BICD1: variants seen among roughly 807,000 people sequenced by gnomAD.
BICD1 encodes BICD cargo adaptor 1.
Under a neutral mutation model 92.5 loss-of-function variants are expected in BICD1, and 35 were observed. The observed-to-expected ratio is 0.38, with a 90% CI of 0.29 to 0.50. The LOEUF is 0.50. BICD1 is among the 20% of genes least tolerant of loss of function. The probability of loss-of-function intolerance (pLI) is 0.93; values close to 1 mark genes in which losing one functional copy is unlikely to be tolerated. For synonymous variants in BICD1, 429 were observed against 465.1 expected (o/e 0.92, Z 1.00); for missense variants, 950 against 1,189.8 (o/e 0.80, Z 2.97).
intron 1 of BICD1, among the ~76,000 whole-genome samples, chr12:32,113,940 C>T (rs1382038429): frequency 3.3e-5 from 5 of 151,726 alleles, no homozygotes; most frequent in Admixed American, 2.0e-4. Context: ...GGCGCAATCT[C>T]GGCTTACTGC....
rs944769102 is a variant in BICD1, at chr12:32,383,393, T to G, written c.*5766T>G. ...TTATGAATTTATTATTGCTTGTACT[T>G]TAACTTTTTTTATTGTAGACAATCC... On this transcript the variant is annotated 3_prime_UTR_variant, in exon 10 of 10. Coordinates refer to ENST00000652176, the MANE Select transcript of BICD1 (RefSeq NM_001714.4). 1 of 152,208 alleles carries G rather than the reference T, an allele frequency of 6.6e-6. No homozygotes were observed. Among genetic ancestry groups the G allele is most frequent in the African/African-American group, 2.4e-5 (1 of 41,472 alleles). 9.4% of individuals were successfully genotyped at this position (152,208 alleles called of 1,614,324 possible). A position where few individuals can be genotyped will look rare whatever the true frequency, so the allele number is the denominator to read the frequency against.
intron 1 of BICD1, among the ~76,000 whole-genome samples, chr12:32,169,749 T>C (rs1272519591): frequency 6.6e-6 from 1 of 151,910 alleles, no homozygotes; most frequent in Non-Finnish European, 1.5e-5. Flanking sequence ...TGGCTTTAGC[T>C]TCCAAAGATA....
At chr12:32,260,934 G>A (rs745918820) in intron 2 of BICD1, among the ~76,000 whole-genome samples, 25 of 152,242 alleles carry the variant, frequency 1.6e-4, no homozygotes, top group South Asian at 6.2e-4. Context: ...CAGTTTCCCC[G>A]CTGACTTTTC....
chr12:32,179,039 C>T (rs368480073), intron 1 of BICD1, among the ~76,000 whole-genome samples: 4 of 151,896 alleles, frequency 2.6e-5, no homozygotes, highest in African/African-American at 4.8e-5. Context: ...TTTCCACATA[C>T]GATAGGACAG....
At chr12:32,306,520 G>A (rs1031778143) in intron 4 of BICD1, among the ~76,000 whole-genome samples, 6 of 152,050 alleles carry the variant, frequency 3.9e-5, no homozygotes, top group Non-Finnish European at 5.9e-5. Context: ...TGGGATTACA[G>A]GCGTGAGCCA....
rs989540206 is a variant in BICD1 at position 32,294,024 on chromosome 12, C to G, written c.457C>G (p.Arg153Gly). The G allele has an allele frequency of 6.2e-7, 1 of 1,612,846 alleles. No individual in the cohort carries two copies. The highest frequency in any genetic ancestry group is 8.5e-7 in the Non-Finnish European group (1 of 1,179,622). ...TGAGATGGTGGAGCTACAGAGAATA[C>G]GGATGAAGGATGAAATCCGAGAATA... ...NNEMVELQRI[R>G]MKDEIREYKF... Residue 153 changes from arginine to glycine, a missense_variant, in exon 3 of 10, where the codon CGG becomes GGG. Arg to Gly is a moderately radical substitution (Grantham distance 125, BLOSUM62 -2). Coordinates refer to ENST00000652176, the MANE Select transcript of BICD1 (RefSeq NM_001714.4).
intron 1 of BICD1, among the ~76,000 whole-genome samples, chr12:32,163,930 T>C (rs1371673061): frequency 1.3e-5 from 2 of 152,220 alleles, no homozygotes; most frequent in African/African-American, 4.8e-5. Flanking sequence ...TTCAACTAAA[T>C]ATGCTAAAGC....
chr12:32,372,607 G>T (rs1006916312), intron 9 of BICD1, among the ~76,000 whole-genome samples: 5 of 152,086 alleles, frequency 3.3e-5, no homozygotes, highest in African/African-American at 4.8e-5. Flanking sequence ...AGCCGGACAT[G>T]GTGACTCACC....
At chr12:32,275,614 G>A (rs982873599) in intron 2 of BICD1, among the ~76,000 whole-genome samples, 1 of 152,062 alleles carries the variant, frequency 6.6e-6, no homozygotes, top group Non-Finnish European at 1.5e-5. Flanking sequence ...GTCCATGTTT[G>A]TTACGGCTGG....
chr12:32,323,743 T>C (rs1267283535), intron 4 of BICD1, among the ~76,000 whole-genome samples: 2 of 152,224 alleles, frequency 1.3e-5, no homozygotes, highest in Non-Finnish European at 2.9e-5. Context: ...GATCATACTA[T>C]ACAGGCAGTC....
intron 2 of BICD1, among the ~76,000 whole-genome samples, chr12:32,238,801 C>G (rs1030407949): frequency 6.6e-6 from 1 of 151,420 alleles, no homozygotes; most frequent in African/African-American, 2.4e-5. Flanking sequence ...AAAAAATTAG[C>G]CGGGCATGGT....
At chr12:32,131,209 C>CT (rs1392817646) in intron 1 of BICD1, among the ~76,000 whole-genome samples, 1 of 152,160 alleles carries the variant, frequency 6.6e-6, no homozygotes, top group Non-Finnish European at 1.5e-5. Context: ...TCACTTATCT[C>CT]TAATTCACTT....
chr12:32,255,342 A>T (rs1946687613), intron 2 of BICD1, among the ~76,000 whole-genome samples: 1 of 152,062 alleles, frequency 6.6e-6, no homozygotes, highest in Non-Finnish European at 1.5e-5. Flanking sequence ...GCTTCAACAT[A>T]GGAGTTTGGG....
At chr12:32,123,015 G>A (rs959059913) in intron 1 of BICD1, among the ~76,000 whole-genome samples, 1 of 152,144 alleles carries the variant, frequency 6.6e-6, no homozygotes, top group African/African-American at 2.4e-5. Flanking sequence ...ACAACAGAAG[G>A]TCCATATTTG....
chr12:32,119,982 C>T (rs60715949), intron 1 of BICD1, among the ~76,000 whole-genome samples: 6,414 of 152,204 alleles, frequency 0.042, 433 homozygotes, highest in African/African-American at 0.14. Context: ...ATATTAAATC[C>T]TTCCTGAAAA....
chr12:32,237,465 C>A (rs978378010), intron 2 of BICD1, among the ~76,000 whole-genome samples: 1 of 152,166 alleles, frequency 6.6e-6, no homozygotes, highest in African/African-American at 2.4e-5. Context: ...AAGAAGATGC[C>A]TTCAGGCTAG....
chr12:32,197,104 G>C (rs897627947), intron 1 of BICD1, among the ~76,000 whole-genome samples: 3 of 151,900 alleles, frequency 2.0e-5, no homozygotes, highest in Non-Finnish European at 4.4e-5. Flanking sequence ...TGCCTCCCAG[G>C]TTCAAGAGAT....
chr12:32,159,748 C>T (rs1943545011), intron 1 of BICD1, among the ~76,000 whole-genome samples: 1 of 152,170 alleles, frequency 6.6e-6, no homozygotes, highest in Admixed American at 6.5e-5. Flanking sequence ...TGAACTGGGG[C>T]TCTGGTTGGA....
rs142196853 is a variant in BICD1, at chr12:32,128,134, C to A, written c.213+20590C>A. ...GGCCAGGCTGGTCTCAAACTCCTGACCTCAGGTGATCTGCCCGCCTCCGCC... is the reference window on the plus strand; with the variant it reads ...GGCCAGGCTGGTCTCAAACTCCTGAACTCAGGTGATCTGCCCGCCTCCGCC... On this transcript the variant is annotated intron_variant, in intron 1 of 9. Coordinates refer to ENST00000652176, the MANE Select transcript of BICD1 (RefSeq NM_001714.4). 6.0e-3 allele frequency among the ~76,000 whole-genome samples: 911 copies of A among 152,280 alleles called. 6 individuals carry two copies. Among genetic ancestry groups the A allele is most frequent in the Non-Finnish European group, 9.7e-3 (661 of 68,028 alleles).
Sources: gnomAD v4.1 joint callset for allele counts (sites outside exome capture counted in the v4.1 genomes callset) on GRCh38, gnomAD v4.1.1 for gene constraint, MANE v1.5 for transcripts, NCBI Gene and HGNC (gene_info 2026-07-23, HGNC 2026-07-21) for gene names.